Variants in DLGAP2 observed in about 807,000 individuals in gnomAD.
DLGAP2 encodes disks large-associated protein 2.
Under a neutral mutation model 100.3 loss-of-function variants are expected in DLGAP2, and 26 were observed. The ratio of observed to expected loss-of-function variants is 0.26; its 90% confidence interval spans 0.19 to 0.36. The LOEUF is 0.36. Among genes scored for constraint, DLGAP2 ranks in the 10% least tolerant of loss-of-function variants. The pLI is 1.00. For synonymous variants in DLGAP2, 886 were observed against 630.1 expected, an observed-to-expected ratio of 1.41 and a Z score of -6.08; for missense variants, 1,858 against 1,453.2, an observed-to-expected ratio of 1.28 and a Z score of -4.53.
intron 6 of DLGAP2, among the ~76,000 whole-genome samples, chr8:1,609,411 G>C (rs570569284): frequency 1.5e-5 from 2 of 135,828 alleles, no homozygotes. Flanking sequence ...GGAAAGGAAC[G>C]ACCGGTACCA....
intron 3 of DLGAP2, among the ~76,000 whole-genome samples, chr8:1,473,363 G>A (rs188173970): frequency 4.8e-4 from 73 of 152,358 alleles, no homozygotes; most frequent in African/African-American, 1.6e-3. Flanking sequence ...TGAGAGGAAC[G>A]GAGAACGGAG....
chr8:1,102,332 A>C (rs965001507), intron 2 of DLGAP2, among the ~76,000 whole-genome samples: 5 of 147,666 alleles, frequency 3.4e-5, no homozygotes, highest in Non-Finnish European at 7.5e-5. Context: ...TATATAAATT[A>C]CATATATAAT....
At chr8:858,634 T>C (rs1797329689) in intron 1 of DLGAP2, among the ~76,000 whole-genome samples, 1 of 150,080 alleles carries the variant, frequency 6.7e-6, no homozygotes, top group South Asian at 2.1e-4. Flanking sequence ...CGTGGGCACG[T>C]GTGTGATGCT....
intron 2 of DLGAP2, among the ~76,000 whole-genome samples, chr8:1,154,368 C>T (rs1172259270): frequency 6.6e-6 from 1 of 152,088 alleles, no homozygotes; most frequent in African/African-American, 2.4e-5. Flanking sequence ...TATTTGCCCC[C>T]AAACGAATAC....
chr8:1,091,638 G>T (rs1023141002), intron 2 of DLGAP2, among the ~76,000 whole-genome samples: 1 of 152,192 alleles, frequency 6.6e-6, no homozygotes, highest in Non-Finnish European at 1.5e-5. Context: ...GTGTTAAATG[G>T]AGACCTGCAT....
chr8:1,008,106 T>C (rs1045426292), intron 2 of DLGAP2, among the ~76,000 whole-genome samples: 2 of 152,244 alleles, frequency 1.3e-5, no homozygotes. Context: ...CCAAATTGAT[T>C]AGTGAAGAAA....
intron 2 of DLGAP2, among the ~76,000 whole-genome samples, chr8:1,151,657 G>A (rs1387331172): frequency 2.6e-5 from 4 of 152,170 alleles, no homozygotes; most frequent in East Asian, 1.9e-4. Context: ...GAGCTCTTCC[G>A]GTGCCTGTGG....
At chr8:1,276,462 G>GGAC (rs1484689176) in intron 3 of DLGAP2, among the ~76,000 whole-genome samples, 5 of 152,116 alleles carry the variant, frequency 3.3e-5, no homozygotes, top group African/African-American at 1.2e-4. Context: ...GGGTGAGGGG[G>GGAC]GACGGGAGGG....
intron 8 of DLGAP2, among the ~76,000 whole-genome samples, chr8:1,660,010 A>G (rs926718366): frequency 6.6e-6 from 1 of 152,076 alleles, no homozygotes; most frequent in Non-Finnish European, 1.5e-5. Context: ...TTAGTGGTTC[A>G]TTCGGGAGCT....
At chr8:861,354 G>T (rs1177618055) in intron 1 of DLGAP2, among the ~76,000 whole-genome samples, 2 of 152,120 alleles carry the variant, frequency 1.3e-5, no homozygotes, top group Non-Finnish European at 2.9e-5. Flanking sequence ...GTCTGCACGG[G>T]GTCCTGGAAC....
chr8:904,994 G>T (rs775607662), intron 1 of DLGAP2, among the ~76,000 whole-genome samples: 3 of 152,224 alleles, frequency 2.0e-5, no homozygotes, highest in Non-Finnish European at 4.4e-5. Context: ...GCCTTCCAGA[G>T]GCCGTGGCTG....
At chr8:1,689,629 T>C (rs1308485407) in intron 12 of DLGAP2, among the ~76,000 whole-genome samples, 1 of 151,794 alleles carries the variant, frequency 6.6e-6, no homozygotes, top group Non-Finnish European at 1.5e-5. Flanking sequence ...CTGCAGAGAC[T>C]CTCCAGGGAG....
At chr8:1,137,398 C>T (rs537007599) in intron 2 of DLGAP2, 1 of 152,726 alleles carries the variant, frequency 6.5e-6, no homozygotes, top group African/African-American at 2.4e-5. Flanking sequence ...CAGAAGCTGC[C>T]CCGAGCTGAT....
intron 3 of DLGAP2, among the ~76,000 whole-genome samples, chr8:1,435,519 G>A (rs1797593131): frequency 6.6e-6 from 1 of 152,168 alleles, no homozygotes; most frequent in Non-Finnish European, 1.5e-5. Flanking sequence ...CCACCGTACG[G>A]AAGTGTAGCC....
At chr8:1,313,992 C>G (rs1318455289) in intron 3 of DLGAP2, among the ~76,000 whole-genome samples, 3 of 152,074 alleles carry the variant, frequency 2.0e-5, no homozygotes, top group Non-Finnish European at 4.4e-5. Context: ...TCATAAAATC[C>G]TGTGAAACTG....
At chr8:1,499,110 C>CT (rs1383388753) in intron 3 of DLGAP2, among the ~76,000 whole-genome samples, 2 of 152,248 alleles carry the variant, frequency 1.3e-5, no homozygotes, top group African/African-American at 2.4e-5. Flanking sequence ...AACGTCCCCA[C>CT]TCCTCATTCT....
At chr8:975,989 A>T (rs2134490) in intron 2 of DLGAP2, among the ~76,000 whole-genome samples, 17,186 of 152,274 alleles carry the variant, frequency 0.11, 1,454 homozygotes, top group Admixed American at 0.26. Flanking sequence ...ATAAACAATT[A>T]TAGCAAGGTT....
chr8:1,361,032 T>C (rs1274173030), intron 3 of DLGAP2, among the ~76,000 whole-genome samples: 2 of 152,240 alleles, frequency 1.3e-5, no homozygotes, highest in African/African-American at 4.8e-5. Flanking sequence ...AAGGAAACTC[T>C]TCTGTGATCC....
intron 7 of DLGAP2, among the ~76,000 whole-genome samples, chr8:1,630,201 C>T (rs1436965929): frequency 1.3e-5 from 2 of 152,128 alleles, no homozygotes; most frequent in Non-Finnish European, 2.9e-5. Flanking sequence ...GACTGTATCA[C>T]ACCCAGAAAC....
Sources: allele counts gnomAD v4.1 joint callset (sites outside exome capture counted in the v4.1 genomes callset), GRCh38; gene constraint gnomAD v4.1.1; transcripts MANE v1.5; gene names NCBI Gene and HGNC (gene_info 2026-07-23, HGNC 2026-07-21).